Variants in VPS13A observed in about 807,000 individuals in gnomAD.
The protein encoded by VPS13A is vacuolar protein sorting 13 homolog A, also known as intermembrane lipid transfer protein VPS13A.
In VPS13A, 264 loss-of-function variants were observed where a neutral mutation model predicts 390.9. The ratio of observed to expected loss-of-function variants is 0.68; its 90% CI spans 0.61 to 0.75. The LOEUF is 0.75. Among genes scored for constraint, VPS13A ranks in the 30% least tolerant of loss-of-function variants. VPS13A has a pLI of 0.00. For synonymous variants in VPS13A, 1,231 were observed against 1,227.1 expected (o/e 1.00, Z -0.07); for missense variants, 3,409 against 3,733.9 (o/e 0.91, Z 2.27).
intron 4 of VPS13A, among the ~76,000 whole-genome samples, 166 bp from the exon 5 acceptor site, chr9:77,205,812 G>A (rs755739875): frequency 6.6e-6 from 1 of 152,036 alleles, no homozygotes; most frequent in Non-Finnish European, 1.5e-5. Context: ...GGCTGGTTTC[G>A]AACTCCTGAC....
intron 67 of VPS13A, 25 bp downstream of exon 67, chr9:77,371,174 T>A: frequency 2.5e-6 from 4 of 1,613,472 alleles, no homozygotes; most frequent in Non-Finnish European, 3.4e-6. Context: ...GTGTAAGATA[T>A]GAGTTAAAAT....
At chr9:77,331,555 C>CT (rs1375704558) in intron 45 of VPS13A, among the ~76,000 whole-genome samples, 5 of 151,810 alleles carry the variant, frequency 3.3e-5, no homozygotes, top group African/African-American at 1.2e-4. Flanking sequence ...TTGATTGCAA[C>CT]TTTTTTAATG....
intron 23 of VPS13A, among the ~76,000 whole-genome samples, chr9:77,262,230 C>T (rs1397234506): frequency 6.6e-6 from 1 of 151,498 alleles, no homozygotes; most frequent in Non-Finnish European, 1.5e-5. Context: ...TTATTTTTTA[C>T]ATAGTCAATT....
At chr9:77,298,861 C>T (rs1828167318) in intron 33 of VPS13A, among the ~76,000 whole-genome samples, 1 of 152,056 alleles carries the variant, frequency 6.6e-6, no homozygotes, top group Admixed American at 6.6e-5. Context: ...AGGGGAAACC[C>T]CTTTGACTTG....
At position 77,210,695 on chromosome 9, in the gene VPS13A, A is replaced by G; in HGVS notation, c.555+20A>G. On this transcript the variant is annotated intron_variant, in intron 7 of 71. Transcript: ENST00000360280. ...ATGCAGGTATTTTGTTTATAAAAGA[A>G]TCTTAACCATATTTAATGTGCAATA... 1 of 1,609,756 alleles carries G rather than the reference A, an allele frequency of 6.2e-7. No individual in the cohort carries two copies. Among genetic ancestry groups the G allele is most frequent in the Non-Finnish European group, 8.5e-7 (1 of 1,176,470 alleles).
intron 35 of VPS13A, among the ~76,000 whole-genome samples, chr9:77,312,011 T>A (rs977800948): frequency 2.0e-5 from 3 of 152,092 alleles, no homozygotes; most frequent in Non-Finnish European, 4.4e-5. Flanking sequence ...ACTAAAACAG[T>A]GGTGAAAGAA....
chr9:77,321,430 G>A (rs893127631), intron 43 of VPS13A, 61 bp from the exon 44 acceptor site: 1 of 1,598,912 alleles, frequency 6.3e-7, no homozygotes, highest in Non-Finnish European at 8.6e-7. Context: ...GTCCTTTACT[G>A]TTCTCCTTGT....
intron 27 of VPS13A, among the ~76,000 whole-genome samples, chr9:77,280,825 T>C (rs1290968178): frequency 6.6e-6 from 1 of 152,204 alleles, no homozygotes; most frequent in Non-Finnish European, 1.5e-5. Context: ...CATTATTGAC[T>C]AGATGTCTTA....
intron 54 of VPS13A, 33 bp from the exon 55 acceptor site, chr9:77,356,681 T>C: frequency 6.4e-7 from 1 of 1,569,054 alleles, no homozygotes; most frequent in Non-Finnish European, 8.7e-7. Context: ...TAACTTAGTA[T>C]TAAATACTAT....
intron 52 of VPS13A, among the ~76,000 whole-genome samples, chr9:77,348,347 T>C (rs1587634387): frequency 6.6e-6 from 1 of 152,090 alleles, no homozygotes; most frequent in Admixed American, 6.6e-5. Flanking sequence ...TAGAAGCTAT[T>C]ATCCTCAGCA....
intron 52 of VPS13A, among the ~76,000 whole-genome samples, chr9:77,346,312 C>T (rs988431490): frequency 1.3e-5 from 2 of 151,960 alleles, no homozygotes; most frequent in Admixed American, 6.6e-5. Flanking sequence ...ACTTGTATAT[C>T]TTCTTTTGAG....
intron 45 of VPS13A, among the ~76,000 whole-genome samples, chr9:77,328,302 A>G (rs1830113825): frequency 6.6e-6 from 1 of 152,186 alleles, no homozygotes. Flanking sequence ...CTGTAAACAG[A>G]TGTGCTTTCA....
intron 46 of VPS13A, among the ~76,000 whole-genome samples, chr9:77,335,305 T>G (rs924836820): frequency 6.6e-5 from 10 of 152,190 alleles, no homozygotes; most frequent in Admixed American, 2.0e-4. Context: ...TTTGTCACCA[T>G]TTTCTTAAAA....
chr9:77,377,216 T>TG (rs575215905), intron 67 of VPS13A, among the ~76,000 whole-genome samples: 10,354 of 130,234 alleles, frequency 0.08, 598 homozygotes, highest in East Asian at 0.1. Context: ...TTTTTTTTTT[T>TG]TTTTTTTTTT....
Position 77,295,773 on chromosome 9 carries a change from A to G in VPS13A, c.3739A>G (p.Thr1247Ala). Residue 1247 changes from threonine (T) to alanine (A), a missense_variant, in exon 33 of 72, where the codon ACA (threonine) becomes GCA (alanine). By Grantham distance (58) the Thr-to-Ala change is moderately conservative (BLOSUM62 0). Transcript: ENST00000360280. The part of the protein sequence containing the change: ...ITMTNTFHMI[T>A]ESQSSPPPVI... ...AATGACAAATACCTTTCATATGATA[A>G]CAGAGAGCCAGAGCTCTCCCCCACC... 6.2e-7 allele frequency: 1 copy of G among 1,614,038 alleles called. No homozygotes were observed. Among genetic ancestry groups the G allele is most frequent in the South Asian group, 1.1e-5 (1 of 91,088 alleles).
rs2131449883 is a variant in VPS13A at position 77,321,600 on chromosome 9, C to T, written c.5684C>T (p.Ser1895Phe). ...ACTATTTCTGTTTCGCCAAGTGATT[C>T]TTTTAGTGTACTCAACATTCCTATG... ...GLTISVSPSDSFSVLNIPMAK... is the reference protein window; with the variant it reads ...GLTISVSPSDFFSVLNIPMAK... The change falls in exon 44 of 72, where the codon TCT (serine) becomes TTT (phenylalanine). Residue 1895 changes from serine to phenylalanine, a missense_variant. This residue lies in a region of VPS13A where 2,717 missense variants were observed against 2,917.4 expected (regional missense o/e 0.93). Transcript: ENST00000360280. The T allele has an allele frequency of 6.2e-7, 1 of 1,613,368 alleles. No homozygotes were observed. Among genetic ancestry groups the T allele is most frequent in the East Asian group, 2.2e-5 (1 of 44,806 alleles).
intron 32 of VPS13A, among the ~76,000 whole-genome samples, chr9:77,294,109 T>TG (rs1289410595): frequency 6.6e-6 from 1 of 151,928 alleles, no homozygotes; most frequent in Non-Finnish European, 1.5e-5. Context: ...TTTATAGAGA[T>TG]GGGGTCTTAC....
At chr9:77,204,560 A>G (rs976407225) in intron 3 of VPS13A, among the ~76,000 whole-genome samples, 1 of 152,192 alleles carries the variant, frequency 6.6e-6, no homozygotes, top group African/African-American at 2.4e-5. Flanking sequence ...ACATACATAC[A>G]TACGTATGTA....
At chr9:77,258,649 A>G (rs917823893) in intron 22 of VPS13A, among the ~76,000 whole-genome samples, 8 of 152,152 alleles carry the variant, frequency 5.3e-5, no homozygotes, top group African/African-American at 1.7e-4. Context: ...AGCTTTAGAT[A>G]TGGTTCAATT....
Sources: allele counts gnomAD v4.1 joint callset (sites outside exome capture counted in the v4.1 genomes callset), GRCh38; gene constraint gnomAD v4.1.1; regional missense constraint gnomAD v4.1.1; transcripts MANE v1.5; gene names NCBI Gene and HGNC (gene_info 2026-07-23, HGNC 2026-07-21).